ABTB3: variants seen among roughly 807,000 people sequenced by gnomAD.
ABTB3 encodes ankyrin repeat and BTB domain containing 3.
chr12:107,509,672 C>T, the ABTB3 span, among the ~76,000 whole-genome samples: 14 of 152,222 alleles, frequency 9.2e-5, no homozygotes, highest in African/African-American at 2.9e-4. Context: ...GGGGCCGGGA[C>T]CTGCAGATGC....
chr12:107,441,962 GAA>G, the ABTB3 span, among the ~76,000 whole-genome samples: 1 of 150,334 alleles, frequency 6.7e-6, no homozygotes, highest in African/African-American at 2.4e-5. Context: ...AAGGAAAAAG[GAA>G]AAAAAAAGTG....
At chr12:107,483,062 C>T in the ABTB3 span, among the ~76,000 whole-genome samples, 1 of 150,880 alleles carries the variant, frequency 6.6e-6, no homozygotes, top group East Asian at 1.9e-4. Context: ...CTCACTCTGT[C>T]ACCAGGCTGG....
the ABTB3 span, among the ~76,000 whole-genome samples, chr12:107,383,649 C>A: frequency 6.6e-6 from 1 of 152,178 alleles, no homozygotes; most frequent in Non-Finnish European, 1.5e-5. Context: ...CTGTTCTCTG[C>A]CTACCTTTCA....
chr12:107,556,715 A>G, the ABTB3 span, among the ~76,000 whole-genome samples: 72 of 152,258 alleles, frequency 4.7e-4, no homozygotes, highest in East Asian at 7.2e-3. Flanking sequence ...ATTGCTAATA[A>G]AAGTGGAATA....
At chr12:107,453,582 A>G in the ABTB3 span, among the ~76,000 whole-genome samples, 82 of 152,344 alleles carry the variant, frequency 5.4e-4, no homozygotes, top group African/African-American at 1.9e-3. Context: ...TAAGAAATAA[A>G]TGTCTGCTGT....
chr12:107,412,997 G>A, the ABTB3 span, among the ~76,000 whole-genome samples: 1 of 152,138 alleles, frequency 6.6e-6, no homozygotes. Flanking sequence ...CATTGAGGCC[G>A]GGCGCGGTGG....
At chr12:107,533,162 C>T in the ABTB3 span, among the ~76,000 whole-genome samples, 10 of 151,902 alleles carry the variant, frequency 6.6e-5, no homozygotes, top group Non-Finnish European at 1.3e-4. Context: ...AGAAAACTAC[C>T]AAACTGCAAA....
the ABTB3 span, among the ~76,000 whole-genome samples, chr12:107,535,539 C>A: frequency 6.6e-6 from 1 of 152,246 alleles, no homozygotes. Flanking sequence ...CACCAAAAAA[C>A]TGTTAGAACT....
chr12:107,595,156 A>C, the ABTB3 span, among the ~76,000 whole-genome samples: 2 of 152,200 alleles, frequency 1.3e-5, no homozygotes, highest in African/African-American at 4.8e-5. Flanking sequence ...TTTGTTCCTA[A>C]ATATGACTGT....
chr12:107,528,395 T>C, the ABTB3 span, among the ~76,000 whole-genome samples: 1 of 152,230 alleles, frequency 6.6e-6, no homozygotes, highest in Non-Finnish European at 1.5e-5. Flanking sequence ...AATTAGCCAA[T>C]TTAAAGAAAA....
At chr12:107,431,008 C>G in the ABTB3 span, among the ~76,000 whole-genome samples, 2 of 152,200 alleles carry the variant, frequency 1.3e-5, no homozygotes, top group African/African-American at 4.8e-5. Context: ...CTTTCTGGCT[C>G]TCTATTCACA....
At chr12:107,341,617 A>G in the ABTB3 span, among the ~76,000 whole-genome samples, 1 of 152,192 alleles carries the variant, frequency 6.6e-6, no homozygotes, top group African/African-American at 2.4e-5. Context: ...TTTGGCTATG[A>G]TCAGCATCAG....
the ABTB3 span, among the ~76,000 whole-genome samples, chr12:107,638,862 A>G: frequency 2.0e-5 from 3 of 152,200 alleles, no homozygotes; most frequent in African/African-American, 7.2e-5. Flanking sequence ...TGAGATTTCT[A>G]GCCTCAGAGC....
At chr12:107,408,423 G>A in the ABTB3 span, among the ~76,000 whole-genome samples, 3 of 152,178 alleles carry the variant, frequency 2.0e-5, no homozygotes, top group Non-Finnish European at 4.4e-5. Context: ...CAGTATGATT[G>A]GGGAGCTTTT....
At chr12:107,386,377 G>C in the ABTB3 span, among the ~76,000 whole-genome samples, 1 of 152,202 alleles carries the variant, frequency 6.6e-6, no homozygotes, top group Admixed American at 6.5e-5. Context: ...GCATCTTGCT[G>C]TCTTGTCTGT....
At chr12:107,499,589 C>G in the ABTB3 span, among the ~76,000 whole-genome samples, 1 of 152,054 alleles carries the variant, frequency 6.6e-6, no homozygotes, top group Non-Finnish European at 1.5e-5. Flanking sequence ...TTTTGCATGG[C>G]TGGGGAGGCC....
At chr12:107,603,206 C>T in the ABTB3 span, among the ~76,000 whole-genome samples, 16,251 of 152,224 alleles carry the variant, frequency 0.11, 1,001 homozygotes, top group Middle Eastern at 0.14. Context: ...CTGTATGGGG[C>T]TCTCAGCCAC....
the ABTB3 span, among the ~76,000 whole-genome samples, chr12:107,514,030 AG>A: frequency 2.6e-5 from 4 of 152,242 alleles, no homozygotes; most frequent in Non-Finnish European, 5.9e-5. Context: ...TACTTTCTAT[AG>A]GCCAGAGGCT....
the ABTB3 span, among the ~76,000 whole-genome samples, chr12:107,588,158 C>A: frequency 2.0e-5 from 3 of 152,186 alleles, no homozygotes; most frequent in African/African-American, 7.2e-5. Flanking sequence ...GGAAAGCAGT[C>A]ATATTAGATT....
Sources: gnomAD v4.1 joint callset for allele counts (sites outside exome capture counted in the v4.1 genomes callset) on GRCh38, gnomAD v4.1.1 for gene constraint, MANE v1.5 for transcripts, NCBI Gene and HGNC (gene_info 2026-07-23, HGNC 2026-07-21) for gene names.